CDK14: variants seen among roughly 807,000 people sequenced by gnomAD.
CDK14 encodes cyclin-dependent kinase 14.
Under a neutral mutation model 60.7 loss-of-function variants are expected in CDK14, and 34 were observed. The observed-to-expected ratio is 0.56, with a 90% CI of 0.43 to 0.75. CDK14 has a LOEUF of 0.75. Ranked by LOEUF, CDK14 falls within the 30% of genes least tolerant of loss-of-function variation. The pLI is 0.00. For synonymous variants in CDK14, 197 were observed against 203.7 expected (o/e 0.97, Z 0.28); for missense variants, 482 against 564.1 (o/e 0.85, Z 1.47).
At chr7:90,839,419 TG>T (rs1790216395) in intron 5 of CDK14, among the ~76,000 whole-genome samples, 1 of 152,218 alleles carries the variant, frequency 6.6e-6, no homozygotes, top group Non-Finnish European at 1.5e-5. Context: ...GCTGTTTCAG[TG>T]TGGTGAAATC....
intron 12 of CDK14, among the ~76,000 whole-genome samples, chr7:91,109,313 T>C (rs1448716531): frequency 6.6e-6 from 1 of 152,172 alleles, no homozygotes; most frequent in Non-Finnish European, 1.5e-5. Context: ...TTACACTGTC[T>C]GGACTGTGTG....
At chr7:90,924,430 G>A (rs949634608) in intron 8 of CDK14, among the ~76,000 whole-genome samples, 18 of 150,278 alleles carry the variant, frequency 1.2e-4, no homozygotes, top group South Asian at 4.2e-4. Flanking sequence ...AAGTGTAAAC[G>A]TTAGCTTAGA....
chr7:91,202,061 C>G (rs1429226555), intron 14 of CDK14, among the ~76,000 whole-genome samples: 2 of 152,128 alleles, frequency 1.3e-5, no homozygotes, highest in South Asian at 2.1e-4. Flanking sequence ...CAGGCAGACT[C>G]TCTCCCACAG....
At chr7:90,909,871 G>A (rs1307820869) in intron 7 of CDK14, among the ~76,000 whole-genome samples, 1 of 152,124 alleles carries the variant, frequency 6.6e-6, no homozygotes, top group Non-Finnish European at 1.5e-5. Flanking sequence ...AAATGACAAA[G>A]CATGTTACTT....
At chr7:91,197,803 A>G (rs2115976915) in intron 14 of CDK14, among the ~76,000 whole-genome samples, 1 of 152,376 alleles carries the variant, frequency 6.6e-6, no homozygotes, top group East Asian at 1.9e-4. Context: ...TTCTATAGAA[A>G]TATAGCAACA....
intron 14 of CDK14, among the ~76,000 whole-genome samples, chr7:91,150,244 C>T (rs1459540445): frequency 1.3e-5 from 2 of 152,162 alleles, no homozygotes; most frequent in Non-Finnish European, 2.9e-5. Context: ...ATACCTCTTG[C>T]CTGCTGGCTG....
intron 10 of CDK14, among the ~76,000 whole-genome samples, chr7:91,024,089 A>G (rs1412860059): frequency 6.6e-6 from 1 of 151,022 alleles, no homozygotes; most frequent in African/African-American, 2.4e-5. Flanking sequence ...CGTATCTTAA[A>G]GAAGCTAAGC....
intron 10 of CDK14, among the ~76,000 whole-genome samples, chr7:91,023,032 A>G (rs897555118): frequency 6.6e-6 from 1 of 150,528 alleles, no homozygotes; most frequent in Non-Finnish European, 1.5e-5. Flanking sequence ...TTTTTCGTCT[A>G]ATGAAACAAC....
intron 5 of CDK14, among the ~76,000 whole-genome samples, chr7:90,814,332 G>C (rs1789260334): frequency 1.3e-5 from 2 of 152,128 alleles, no homozygotes; most frequent in Admixed American, 6.5e-5. Flanking sequence ...ATGCTATCCA[G>C]CTGTCCTGTC....
chr7:90,863,141 G>A (rs374415447), intron 5 of CDK14, 34 bp from the exon 6 acceptor site: 28 of 1,194,908 alleles, frequency 2.3e-5, no homozygotes, highest in South Asian at 1.8e-4. Flanking sequence ...TGTTATCCAC[G>A]ATAAATTGTT....
intron 2 of CDK14, among the ~76,000 whole-genome samples, chr7:90,698,067 CAAAAAAAAAAAA>C (rs71104484): frequency 9.2e-5 from 7 of 75,746 alleles, no homozygotes; most frequent in African/African-American, 3.9e-4. Context: ...GACTCTGTCT[CAAAAAAAAAAAA>C]AAAAAAAAAA....
chr7:90,652,405 G>A (rs1041657037), intron 2 of CDK14, among the ~76,000 whole-genome samples: 4 of 152,238 alleles, frequency 2.6e-5, no homozygotes, highest in African/African-American at 2.4e-5. Flanking sequence ...AATTCGTTAC[G>A]CCTTTCTACT....
At chr7:90,895,547 T>C (rs1584098665) in intron 6 of CDK14, among the ~76,000 whole-genome samples, 1 of 52,782 alleles carries the variant, frequency 1.9e-5, no homozygotes, top group Non-Finnish European at 3.6e-5. Flanking sequence ...TCCCTTCCCC[T>C]CCCCTCTCCT....
intron 14 of CDK14, among the ~76,000 whole-genome samples, chr7:91,155,695 C>T (rs1217666796): frequency 1.3e-5 from 2 of 152,094 alleles, no homozygotes; most frequent in Admixed American, 1.3e-4. Flanking sequence ...ATGTTTTATA[C>T]AATAATAACT....
At chr7:90,619,299 A>T (rs1799718121) in intron 2 of CDK14, among the ~76,000 whole-genome samples, 1 of 152,240 alleles carries the variant, frequency 6.6e-6, no homozygotes, top group African/African-American at 2.4e-5. Context: ...AGTGCTTTTA[A>T]GCCCATTTCA....
At chr7:90,659,251 C>G (rs1254059818) in intron 2 of CDK14, among the ~76,000 whole-genome samples, 1 of 152,154 alleles carries the variant, frequency 6.6e-6, no homozygotes, top group Non-Finnish European at 1.5e-5. Context: ...GTTGAAATAA[C>G]AGTCTGCACT....
chr7:90,983,535 C>T (rs1795292872), intron 9 of CDK14, among the ~76,000 whole-genome samples: 1 of 151,996 alleles, frequency 6.6e-6, no homozygotes, highest in Non-Finnish European at 1.5e-5. Context: ...AAAAAATTAG[C>T]CAGGCATGGT....
chr7:90,957,398 G>C (rs577790653), intron 9 of CDK14, among the ~76,000 whole-genome samples: 2 of 152,176 alleles, frequency 1.3e-5, no homozygotes, highest in Non-Finnish European at 2.9e-5. Context: ...ATTAAGAAAA[G>C]AGGAAGTCAA....
At chr7:91,066,314 C>T (rs767323316) in intron 11 of CDK14, among the ~76,000 whole-genome samples, 4 of 152,106 alleles carry the variant, frequency 2.6e-5, no homozygotes, top group Non-Finnish European at 5.9e-5. Flanking sequence ...GAAGTTTGAG[C>T]CTTTTTATGA....
Sources: allele counts gnomAD v4.1 joint callset (sites outside exome capture counted in the v4.1 genomes callset), GRCh38; gene constraint gnomAD v4.1.1; transcripts MANE v1.5; gene names NCBI Gene and HGNC (gene_info 2026-07-23, HGNC 2026-07-21).